The following KCNQ1OT1 variants were observed in gnomAD, a reference collection of about 807,000 sequenced individuals.
KCNQ1OT1 encodes the protein KCNQ1 antisense RNA 2 (non-protein coding).
rs1241532291 is a variant in KCNQ1OT1, at chr11:2,695,530, A to G, written n.4465T>C. On this transcript the variant is annotated non_coding_transcript_exon_variant, in exon 1 of 1. Transcript: ENST00000597346. This position sits in a 1 kb window ranked among gnomAD's most constrained non-coding sequence, Gnocchi z 5.2. ...CTCCTAACCACAGTGACCAGCTCCA[A>G]CTGCCCACCCCTATGGGCCATGCTG... 2 of 398,528 alleles carry G rather than the reference A, an allele frequency of 5.0e-6. No individual in the cohort carries two copies. The highest frequency in any genetic ancestry group is 4.1e-5 in the African/African-American group (2 of 48,676). The allele number at this position is 398,528 out of a possible 1,614,324, so 24.7% of individuals were successfully genotyped here.
At chr11:2,639,754 T>C (rs1489696775) in exon 1 of KCNQ1OT1, 2 of 152,364 alleles carry the variant, frequency 1.3e-5, no homozygotes, top group African/African-American at 4.8e-5. Context: ...GACAGGGACA[T>C]TTAAGTCTGC....
At chr11:2,693,741 T>C (rs925942564) in exon 1 of KCNQ1OT1, 4 of 398,600 alleles carry the variant, frequency 1.0e-5, no homozygotes, top group South Asian at 1.3e-4. Flanking sequence ...CCCTGGGTTA[T>C]ACAGGCTCCT....
Position 2,640,205 on chromosome 11 carries a change from C to T in KCNQ1OT1, n.59790G>A, listed in dbSNP as rs766735745. 121 of 392,924 alleles carry T rather than the reference C, an allele frequency of 3.1e-4. No homozygotes were observed. Among genetic ancestry groups the T allele is most frequent in the Non-Finnish European group, 4.8e-4 (108 of 223,176 alleles). 24.3% of individuals were successfully genotyped at this position (392,924 alleles called of 1,614,324 possible). On this transcript the variant is annotated non_coding_transcript_exon_variant, in exon 1 of 1. Transcript: ENST00000597346. Reference sequence around the variant, plus strand: ...TTCGTCTCACACTCAGTGGGCTGCACCCACTGTCCTGTACCCACTGTCTTG... The same window carrying T: ...TTCGTCTCACACTCAGTGGGCTGCATCCACTGTCCTGTACCCACTGTCTTG...
At chr11:2,688,795 C>T (rs559388605) in exon 1 of KCNQ1OT1, 4 of 398,660 alleles carry the variant, frequency 1.0e-5, no homozygotes, top group African/African-American at 8.2e-5. Flanking sequence ...TTGCCCTCCC[C>T]CACACACAGC....
At position 2,663,484 on chromosome 11, in the gene KCNQ1OT1, T is replaced by G. The variant is rs1850006625; in HGVS notation, n.36511A>C. 2.5e-6 allele frequency: 1 copy of G among 398,694 alleles called. No homozygotes were observed. The highest frequency in any genetic ancestry group is 4.4e-6 in the Non-Finnish European group (1 of 226,106). The allele number at this position is 398,694 out of a possible 1,614,324, so 24.7% of individuals were successfully genotyped here. A position where few individuals can be genotyped will look rare whatever the true frequency, so the allele number is the denominator to read the frequency against. Reference sequence around the variant, plus strand: ...TGTTAGTTTAGTGGCTCATGTTGTGTGCAATACAGGTGGCAGTGCCTGTAT... The same window carrying G: ...TGTTAGTTTAGTGGCTCATGTTGTGGGCAATACAGGTGGCAGTGCCTGTAT... On this transcript the variant is annotated non_coding_transcript_exon_variant, in exon 1 of 1. Coordinates refer to ENST00000597346, the Ensembl canonical transcript of KCNQ1OT1. The surrounding 1 kb of genome is among the most constrained non-coding windows in gnomAD (Gnocchi z 5.2).
chr11:2,636,336 C>T (rs1250819727), exon 1 of KCNQ1OT1: 1 of 151,756 alleles, frequency 6.6e-6, no homozygotes, highest in Admixed American at 6.6e-5. Flanking sequence ...ATAAATAGCT[C>T]TTATTATTTT....
chr11:2,681,319 C>G (rs1386379152), exon 1 of KCNQ1OT1: 1 of 398,434 alleles, frequency 2.5e-6, no homozygotes, highest in African/African-American at 2.1e-5. Flanking sequence ...TTCTCTGTCT[C>G]TCTCCAACTG....
chr11:2,634,163 T>C, exon 1 of KCNQ1OT1: 1 of 396,962 alleles, frequency 2.5e-6, no homozygotes, highest in Non-Finnish European at 4.4e-6. Flanking sequence ...TTCTCTTTTC[T>C]CTCTCTCTCC....
rs1417506231 is a variant in KCNQ1OT1 at position 2,654,945 on chromosome 11, C to T, written n.45050G>A. Reference sequence around the variant, plus strand: ...AAGGCACAGATACAGGAGACTTCCACAAATTATTGTTTCTTGACTTGGAAA... The same window carrying T: ...AAGGCACAGATACAGGAGACTTCCATAAATTATTGTTTCTTGACTTGGAAA... On this transcript the variant is annotated non_coding_transcript_exon_variant, in exon 1 of 1. Coordinates refer to ENST00000597346, the Ensembl canonical transcript of KCNQ1OT1. This position sits in a 1 kb window ranked among gnomAD's most constrained non-coding sequence, Gnocchi z 6.4. 5.0e-6 allele frequency: 2 copies of T among 398,394 alleles called. No homozygotes were observed. The highest frequency in any genetic ancestry group is 1.3e-4 in the South Asian group (1 of 7,858). 24.7% of individuals were successfully genotyped at this position (398,394 alleles called of 1,614,324 possible).
exon 1 of KCNQ1OT1, chr11:2,681,619 ACCCAACCTCC>A (rs1279062813): frequency 4.9e-5 from 5 of 102,224 alleles, no homozygotes; most frequent in Non-Finnish European, 9.4e-5. Flanking sequence ...CCCCACCCCC[ACCCAACCTCC>A]CCCAACCTAT....
rs1349485557 is a variant in KCNQ1OT1, at chr11:2,663,449, A to C, written n.36546T>G. 2 of 398,656 alleles carry C rather than the reference A, an allele frequency of 5.0e-6. No homozygotes were observed. Among genetic ancestry groups the C allele is most frequent in the Non-Finnish European group, 8.8e-6 (2 of 226,198 alleles). 24.7% of individuals were successfully genotyped at this position (398,656 alleles called of 1,614,324 possible). ...AAGTCCTGGATATGATGGACCTCCA[A>C]AGTGATCAGTGTTAGTTTAGTGGCT... On this transcript the variant is annotated non_coding_transcript_exon_variant, in exon 1 of 1. Coordinates refer to ENST00000597346, the Ensembl canonical transcript of KCNQ1OT1. The surrounding 1 kb of genome is among the most constrained non-coding windows in gnomAD (Gnocchi z 5.2).
chr11:2,615,261 C>A (rs947946269), exon 1 of KCNQ1OT1: 1 of 398,070 alleles, frequency 2.5e-6, no homozygotes. Context: ...ATGTACCCTG[C>A]AATTTTGCTG....
At position 2,627,903 on chromosome 11, in the gene KCNQ1OT1, C is replaced by A. The variant is rs987348417; in HGVS notation, n.72092G>T. ...GTAGCTGGGACCACAGTCATGCACC[C>A]CCATGCCCAGCTAATTTTTAAAATT... On this transcript the variant is annotated non_coding_transcript_exon_variant, in exon 1 of 1. Transcript: ENST00000597346. The surrounding 1 kb of genome is among the most constrained non-coding windows in gnomAD (Gnocchi z 4.9). 18 of 398,322 alleles carry A rather than the reference C, an allele frequency of 4.5e-5. No individual in the cohort carries two copies. Among genetic ancestry groups the A allele is most frequent in the Non-Finnish European group, 6.2e-5 (14 of 226,060 alleles). The allele number at this position is 398,322 out of a possible 1,614,324, so 24.7% of individuals were successfully genotyped here. A position where few individuals can be genotyped will look rare whatever the true frequency, so the allele number is the denominator to read the frequency against.
chr11:2,621,167 G>A lies in KCNQ1OT1; in HGVS notation n.78828C>T, dbSNP rs1319730495. ...TAATTTTTGTGTTTTTAGTAGAGAC[G>A]GGGTTTCACCATGTTGGCCAGGATG... On this transcript the variant is annotated non_coding_transcript_exon_variant, in exon 1 of 1. Coordinates refer to ENST00000597346, the Ensembl canonical transcript of KCNQ1OT1. The surrounding 1 kb of genome is among the most constrained non-coding windows in gnomAD (Gnocchi z 5.7). 1.0e-5 allele frequency: 4 copies of A among 396,782 alleles called. No homozygotes were observed. Among genetic ancestry groups the A allele is most frequent in the Non-Finnish European group, 1.8e-5 (4 of 225,704 alleles). The allele number at this position is 396,782 out of a possible 1,614,324, so 24.6% of individuals were successfully genotyped here.
chr11:2,671,827 TGGTTATA>T lies in KCNQ1OT1; in HGVS notation n.28161_28167del. The stretch of plus-strand genomic sequence containing the variant: ...CAAATAAATCCCTGCAACCCCACTG[TGGTTATA>T]GGTCTGAGCCTTCTGCCCCAGGGAG... On this transcript the variant is annotated non_coding_transcript_exon_variant, in exon 1 of 1. Transcript: ENST00000597346. The surrounding 1 kb of genome is among the most constrained non-coding windows in gnomAD (Gnocchi z 4.7). The T allele has an allele frequency of 2.5e-6, 1 of 398,706 alleles. No individual in the cohort carries two copies. Among genetic ancestry groups the T allele is most frequent in the Non-Finnish European group, 4.4e-6 (1 of 226,124 alleles). 24.7% of individuals were successfully genotyped at this position (398,706 alleles called of 1,614,324 possible). A position where few individuals can be genotyped will look rare whatever the true frequency, so the allele number is the denominator to read the frequency against.
Position 2,659,354 on chromosome 11 carries a change from T to A in KCNQ1OT1, n.40641A>T, listed in dbSNP as rs1248532962. 1 of 398,534 alleles carries A rather than the reference T, an allele frequency of 2.5e-6. No individual in the cohort carries two copies. The highest frequency in any genetic ancestry group is 4.4e-6 in the Non-Finnish European group (1 of 226,060). The allele number at this position is 398,534 out of a possible 1,614,324, so 24.7% of individuals were successfully genotyped here. ...ATGTCCTATAAATGGGATCCTATAA[T>A]ATGTATTCTTTTGCATCTGGCTTCT... is the stretch of plus-strand genomic sequence containing the variant. On this transcript the variant is annotated non_coding_transcript_exon_variant, in exon 1 of 1. Transcript: ENST00000597346. The surrounding 1 kb of genome is among the most constrained non-coding windows in gnomAD (Gnocchi z 4.3).
In KCNQ1OT1 at chr11:2,668,496, G is replaced by A; in HGVS notation, n.31499C>T. 2.5e-6 allele frequency: 1 copy of A among 398,618 alleles called. No individual in the cohort carries two copies. The highest frequency in any genetic ancestry group is 4.4e-6 in the Non-Finnish European group (1 of 226,060). 24.7% of individuals were successfully genotyped at this position (398,618 alleles called of 1,614,324 possible). On this transcript the variant is annotated non_coding_transcript_exon_variant, in exon 1 of 1. Coordinates refer to ENST00000597346, the Ensembl canonical transcript of KCNQ1OT1. This position sits in a 1 kb window ranked among gnomAD's most constrained non-coding sequence, Gnocchi z 4.3. ...TTCCTTTTCAGCCATGATGGTGAAT[G>A]TCTAGCAGCATCAAATGGTGATTTT...
At chr11:2,693,943 C>T in exon 1 of KCNQ1OT1, 1 of 398,810 alleles carries the variant, frequency 2.5e-6, no homozygotes, top group Non-Finnish European at 4.4e-6. Context: ...CTGAGAACCA[C>T]TCATTCATCA....
At chr11:2,680,957 G>A (rs1850386447) in exon 1 of KCNQ1OT1, 1 of 398,390 alleles carries the variant, frequency 2.5e-6, no homozygotes, top group Admixed American at 4.4e-5. Context: ...CTATTTACTA[G>A]TGTTTTCAAG....
Sources: allele counts gnomAD v4.1 joint callset, GRCh38; gene constraint gnomAD v4.1.1; non-coding constraint Gnocchi (gnomAD v3.1); transcripts MANE v1.5; gene names NCBI Gene and HGNC (gene_info 2026-07-23, HGNC 2026-07-21).